The following ECPAS variants were observed in gnomAD, a reference collection of about 807,000 sequenced individuals.
ECPAS encodes the protein proteasome adapter and scaffold protein ECM29.
Under a neutral mutation model 255.1 loss-of-function variants are expected in ECPAS, and 70 were observed. The ratio of observed to expected loss-of-function variants is 0.27; its 90% CI spans 0.23 to 0.33. The LOEUF is 0.33. Among genes scored for constraint, ECPAS ranks in the 10% least tolerant of loss-of-function variants. ECPAS has a pLI of 1.00. For missense variants in ECPAS, 1,817 were observed against 2,206.4 expected, an observed-to-expected ratio of 0.82 and a Z score of 3.54; for synonymous variants, 784 against 775.0, an observed-to-expected ratio of 1.01 and a Z score of -0.19.
chr9:111,452,946 A>G (rs577095453), intron 2 of ECPAS, among the ~76,000 whole-genome samples: 1 of 152,284 alleles, frequency 6.6e-6, no homozygotes, highest in South Asian at 2.1e-4. Context: ...AGTGCCTAAA[A>G]GGAAATGGAA....
chr9:111,428,864 A>T (rs1459662483), intron 9 of ECPAS, among the ~76,000 whole-genome samples: 2 of 151,992 alleles, frequency 1.3e-5, no homozygotes, highest in East Asian at 3.9e-4. Flanking sequence ...CCTTGTCCTT[A>T]TATGCTTTTG....
intron 31 of ECPAS, among the ~76,000 whole-genome samples, chr9:111,387,414 C>G (rs1188559893): frequency 6.6e-6 from 1 of 152,032 alleles, no homozygotes; most frequent in Non-Finnish European, 1.5e-5. Flanking sequence ...TACTGAGAGA[C>G]AGTGTCTCAC....
rs1305119211 is a variant in ECPAS, at chr9:111,451,559, T to C, written c.23-4A>G. 3.3e-6 allele frequency: 5 copies of C among 1,538,288 alleles called. No homozygotes were observed. Among genetic ancestry groups the C allele is most frequent in the Admixed American group, 2.4e-5 (1 of 42,484 alleles). On this transcript the variant is annotated splice_region_variant and splice_polypyrimidine_tract_variant and intron_variant, in intron 2 of 49. Transcript: ENST00000684092. The stretch of plus-strand genomic sequence containing the variant: ...AAAAAGACCCGTTCAAGCTGATCTA[T>C]AATATAAAAAGAAAAAAAGAGAGAA...
At position 111,442,387 on chromosome 9, in the gene ECPAS, C is replaced by T. The variant is rs2131905743; in HGVS notation, c.308G>A (p.Arg103His). ...TIIYVKMGYPRLPVEKQCELA... is the reference protein window; with the variant it reads ...TIIYVKMGYPHLPVEKQCELA... ...TTCACATTGTTTTTCCACTGGTAGGCGAGGATAGCCCATTTTAACATAAAT... is the reference window on the plus strand; with the variant it reads ...TTCACATTGTTTTTCCACTGGTAGGTGAGGATAGCCCATTTTAACATAAAT... Residue 103 changes from arginine to histidine, a missense_variant, in exon 5 of 50, where the codon CGC becomes CAC. By Grantham distance (29) the Arg-to-His change is conservative. Around this residue, in one of 4 missense-constraint regions of ECPAS, gnomAD observed 90 missense variants for 158.5 expected, o/e 0.57. Coordinates refer to ENST00000684092, the MANE Select transcript of ECPAS (RefSeq NM_001364929.1). 6 of 1,611,668 alleles carry T rather than the reference C, an allele frequency of 3.7e-6. No homozygotes were observed. Among genetic ancestry groups the T allele is most frequent in the Middle Eastern group, 1.7e-4 (1 of 6,060 alleles).
chr9:111,389,415 G>T (rs2131601298), intron 31 of ECPAS, 141 bp downstream of exon 31: 1 of 703,486 alleles, frequency 1.4e-6, no homozygotes, highest in Non-Finnish European at 2.2e-6. Flanking sequence ...AAGGAAGAAA[G>T]CATGGAATGA....
intron 2 of ECPAS, among the ~76,000 whole-genome samples, chr9:111,465,541 T>A (rs1453683852): frequency 6.6e-6 from 1 of 151,978 alleles, no homozygotes; most frequent in Non-Finnish European, 1.5e-5. Context: ...AAAAACTCCA[T>A]GTCAACATTA....
chr9:111,437,341 C>T (rs554907704), intron 6 of ECPAS, among the ~76,000 whole-genome samples: 15 of 152,112 alleles, frequency 9.9e-5, no homozygotes, highest in Non-Finnish European at 1.8e-4. Context: ...GAACTACAAC[C>T]ATTACCAACA....
In ECPAS at chr9:111,378,679, C is replaced by G. The variant is rs376830479; in HGVS notation, c.3855G>C (p.Pro1285=). 3 of 1,613,546 alleles carry G rather than the reference C, an allele frequency of 1.9e-6. No homozygotes were observed. In the African/African-American group the frequency reaches 4.0e-5, roughly 22 times the overall value. The change falls in exon 36 of 50, where the codon CCG becomes CCC. Residue 1285 remains proline, a synonymous_variant. Coordinates refer to ENST00000684092, the MANE Select transcript of ECPAS (RefSeq NM_001364929.1). ...GAGCTGGAATGAGTTTTGGTGCATG[C>G]GGTTTCAACATGGCTCCTGCACTTT... ...ISKSAGAMLK[P]HAPKLIPALL...
intron 25 of ECPAS, among the ~76,000 whole-genome samples, chr9:111,395,816 A>G (rs2098166783): frequency 6.6e-6 from 1 of 152,118 alleles, no homozygotes; most frequent in Non-Finnish European, 1.5e-5. Flanking sequence ...TCTTGTTAAC[A>G]ATGTTGCTTC....
intron 24 of ECPAS, among the ~76,000 whole-genome samples, chr9:111,407,432 A>AAAAAAAAAAAAAAAAC (rs2098186587): frequency 7.0e-6 from 1 of 142,760 alleles, no homozygotes; most frequent in Non-Finnish European, 1.6e-5. Context: ...AAAAAAAAAA[A>AAAAAAAAAAAAAAAAC]AAAAAACCTA....
At position 111,361,184 on chromosome 9, in the gene ECPAS, G is replaced by A. The variant is rs2098112913; in HGVS notation, c.*846C>T. 1 of 152,212 alleles carries A rather than the reference G, an allele frequency of 6.6e-6. No homozygotes were observed. The highest frequency in any genetic ancestry group is 1.5e-5 in the Non-Finnish European group (1 of 68,038). 9.4% of individuals were successfully genotyped at this position (152,212 alleles called of 1,614,324 possible). ...TAAATGGTCTAAACCACGGCAGTCTGCGATTTTGTTTCTGGTTTTGCAAAA... is the reference window on the plus strand; with the variant it reads ...TAAATGGTCTAAACCACGGCAGTCTACGATTTTGTTTCTGGTTTTGCAAAA... On this transcript the variant is annotated 3_prime_UTR_variant, in exon 50 of 50. Coordinates refer to ENST00000684092, the MANE Select transcript of ECPAS (RefSeq NM_001364929.1).
intron 38 of ECPAS, among the ~76,000 whole-genome samples, chr9:111,374,721 A>G (rs2098131386): frequency 6.6e-6 from 1 of 152,174 alleles, no homozygotes; most frequent in Non-Finnish European, 1.5e-5. Flanking sequence ...CTGATCCTTC[A>G]AAGATCTTGA....
chr9:111,400,646 C>T (rs1280867435), intron 24 of ECPAS, among the ~76,000 whole-genome samples: 1 of 152,074 alleles, frequency 6.6e-6, no homozygotes, highest in South Asian at 2.1e-4. Context: ...CTGAAAAATG[C>T]TTCAGTGTGT....
chr9:111,387,099 C>A (rs963943737), intron 31 of ECPAS, among the ~76,000 whole-genome samples: 1 of 152,198 alleles, frequency 6.6e-6, no homozygotes, highest in Non-Finnish European at 1.5e-5. Flanking sequence ...CACTCATCAT[C>A]AGTGCAGTTA....
chr9:111,430,898 A>G (rs572285173), intron 8 of ECPAS, among the ~76,000 whole-genome samples: 1 of 152,360 alleles, frequency 6.6e-6, no homozygotes, highest in South Asian at 2.1e-4. Flanking sequence ...CCACAAGAAC[A>G]CTGGACACTG....
rs180930300 is a variant in ECPAS, at chr9:111,372,416, C to A, written c.4528+13G>T. 3.5e-5 allele frequency: 56 copies of A among 1,610,084 alleles called. No homozygotes were observed. In the East Asian group the frequency reaches 1.2e-3, roughly 33 times the overall value. On this transcript the variant is annotated intron_variant, in intron 42 of 49. Coordinates refer to ENST00000684092, the MANE Select transcript of ECPAS (RefSeq NM_001364929.1). ...TCCTAAGAAGCAGGTTTAACTCAGG[C>A]CACACTACTAACCAGGTACGTTTTC... is the stretch of plus-strand genomic sequence containing the variant.
intron 34 of ECPAS, among the ~76,000 whole-genome samples, chr9:111,383,854 C>A (rs946438021): frequency 1.3e-5 from 2 of 151,798 alleles, no homozygotes; most frequent in Non-Finnish European, 2.9e-5. Context: ...CCCGGCAGGT[C>A]GAGACTACAG....
intron 1 of ECPAS, among the ~76,000 whole-genome samples, chr9:111,475,680 G>A (rs1208753628): frequency 6.6e-6 from 1 of 151,214 alleles, no homozygotes; most frequent in African/African-American, 2.4e-5. Flanking sequence ...AGGTTGCAAT[G>A]AGCCAAGATT....
intron 1 of ECPAS, among the ~76,000 whole-genome samples, chr9:111,479,405 G>A (rs912098438): frequency 2.0e-5 from 3 of 151,854 alleles, no homozygotes; most frequent in Admixed American, 6.6e-5. Context: ...AGACCAGCCT[G>A]GCCAACACGG....
Sources: allele counts gnomAD v4.1 joint callset (sites outside exome capture counted in the v4.1 genomes callset), GRCh38; gene constraint gnomAD v4.1.1; regional missense constraint gnomAD v4.1.1; transcripts MANE v1.5; gene names NCBI Gene and HGNC (gene_info 2026-07-23, HGNC 2026-07-21).